ASTN2: variants seen among roughly 807,000 people sequenced by gnomAD.
ASTN2 encodes the protein astrotactin-2.
ASTN2 carries 54 observed loss-of-function variants against 139.8 expected under a neutral mutation model. That is an observed-to-expected ratio of 0.39 (90% CI 0.31 to 0.48). The LOEUF (loss-of-function observed/expected upper bound fraction) is 0.48, where lower values mean the gene tolerates loss of function less well. ASTN2 is among the 20% of genes least tolerant of loss of function. ASTN2 has a pLI of 0.95. For missense variants in ASTN2, 1,565 were observed against 1,725.1 expected, an observed-to-expected ratio of 0.91 and a Z score of 1.64; for synonymous variants, 756 against 719.5, an observed-to-expected ratio of 1.05 and a Z score of -0.81.
intron 3 of ASTN2, among the ~76,000 whole-genome samples, chr9:117,208,366 A>G (rs1832007878): frequency 6.6e-6 from 1 of 152,052 alleles, no homozygotes; most frequent in Non-Finnish European, 1.5e-5. Context: ...GAAAGTAAAC[A>G]TATGAATCAA....
At chr9:117,132,875 A>G (rs1349033000) in intron 4 of ASTN2, among the ~76,000 whole-genome samples, 2 of 152,178 alleles carry the variant, frequency 1.3e-5, no homozygotes, top group African/African-American at 4.8e-5. Flanking sequence ...ACAAATCTAC[A>G]GCATGCTTTA....
At chr9:116,565,388 C>CTCTCTCTATAT (rs1564120372) in intron 19 of ASTN2, among the ~76,000 whole-genome samples, 4 of 34,020 alleles carry the variant, frequency 1.2e-4, no homozygotes, top group African/African-American at 4.2e-4. Context: ...TCTCTCTCTC[C>CTCTCTCTATAT]ATATATATAT....
chr9:117,338,926 T>A (rs1267927503), intron 1 of ASTN2, among the ~76,000 whole-genome samples: 3 of 152,116 alleles, frequency 2.0e-5, no homozygotes, highest in Non-Finnish European at 4.4e-5. Flanking sequence ...GTCCCCCAGC[T>A]TTGATTGCTA....
At chr9:117,191,265 A>G (rs1378313545) in intron 3 of ASTN2, among the ~76,000 whole-genome samples, 1 of 151,846 alleles carries the variant, frequency 6.6e-6, no homozygotes, top group Admixed American at 6.6e-5. Context: ...ATGTCCATCA[A>G]TAAATACATT....
intron 16 of ASTN2, among the ~76,000 whole-genome samples, chr9:116,660,203 C>CA (rs1335887249): frequency 2.7e-5 from 4 of 150,004 alleles, no homozygotes; most frequent in South Asian, 4.2e-4. Context: ...CACACACACA[C>CA]ATTTGGGGAA....
At chr9:116,473,526 G>A (rs757187177) in intron 20 of ASTN2, among the ~76,000 whole-genome samples, 13 of 152,156 alleles carry the variant, frequency 8.5e-5, no homozygotes, top group South Asian at 2.1e-4. Context: ...ACAGAAAAAC[G>A]TGAGTAACTG....
rs1340230294 is a variant in ASTN2 at position 117,414,522 on chromosome 9, G to A, written c.417C>T (p.Asn139=). 1.2e-6 allele frequency: 2 copies of A among 1,609,404 alleles called. No homozygotes were observed. Among genetic ancestry groups the A allele is most frequent in the Non-Finnish European group, 1.7e-6 (2 of 1,178,442 alleles). The change falls in exon 1 of 23, where the codon AAC becomes AAT. Residue 139 remains asparagine, a synonymous_variant. Coordinates refer to ENST00000313400, the MANE Select transcript of ASTN2 (RefSeq NM_001365068.1). The surrounding 1 kb of genome is among the most constrained non-coding windows in gnomAD (Gnocchi z 4.2). ...GRIAVQDDLD[N]TELPFFTLEM... is the part of the protein sequence containing the mutation. The stretch of plus-strand genomic sequence containing the variant: ...CCAGGGTGAAGAAGGGCAGCTCGGT[G>A]TTGTCCAGGTCGTCCTGCACCGCGA...
Position 116,725,757 on chromosome 9 carries a change from C to A in ASTN2, c.2806+14G>T. ...CTGCCTGGCCACCTCCTACAGTAGG[C>A]ACTCCGGGCTTACCTTTCTGATACT... On this transcript the variant is annotated intron_variant, in intron 16 of 22. Transcript: ENST00000313400. 1 of 1,609,900 alleles carries A rather than the reference C, an allele frequency of 6.2e-7. No individual in the cohort carries two copies. Among genetic ancestry groups the A allele is most frequent in the Non-Finnish European group, 8.5e-7 (1 of 1,178,596 alleles).
chr9:117,038,488 A>G (rs1838459058), intron 6 of ASTN2, among the ~76,000 whole-genome samples: 2 of 152,128 alleles, frequency 1.3e-5, no homozygotes, highest in South Asian at 2.1e-4. Context: ...CCTTATCACA[A>G]AAAAATTATA....
At chr9:116,745,977 C>G (rs1175132534) in intron 13 of ASTN2, among the ~76,000 whole-genome samples, 1 of 151,818 alleles carries the variant, frequency 6.6e-6, no homozygotes, top group African/African-American at 2.4e-5. Flanking sequence ...TCTGGAGGTT[C>G]TAGGGGAGAG....
intron 1 of ASTN2, among the ~76,000 whole-genome samples, chr9:117,395,689 G>A (rs1054393336): frequency 9.8e-5 from 15 of 152,286 alleles, no homozygotes; most frequent in African/African-American, 3.4e-4. Context: ...TGTGGCCAGA[G>A]GGCCCTGGAG....
chr9:117,243,318 T>A (rs1174493147), intron 2 of ASTN2, among the ~76,000 whole-genome samples: 1 of 152,218 alleles, frequency 6.6e-6, no homozygotes, highest in Non-Finnish European at 1.5e-5. Context: ...ACAGACTGAA[T>A]TAGACTTATT....
intron 4 of ASTN2, among the ~76,000 whole-genome samples, chr9:117,109,783 A>G (rs1218224084): frequency 6.6e-6 from 1 of 152,078 alleles, no homozygotes; most frequent in African/African-American, 2.4e-5. Context: ...TTTTCTTTCA[A>G]ATTTGTCCAC....
chr9:116,769,402 G>A (rs1829897914), intron 13 of ASTN2, among the ~76,000 whole-genome samples: 2 of 152,084 alleles, frequency 1.3e-5, no homozygotes, highest in South Asian at 4.2e-4. Flanking sequence ...AGGAAGTGGA[G>A]ACCATTTGCA....
chr9:116,603,566 C>A (rs1162316416), intron 19 of ASTN2, among the ~76,000 whole-genome samples: 1 of 152,166 alleles, frequency 6.6e-6, no homozygotes, highest in African/African-American at 2.4e-5. Context: ...AAGCTGCAAA[C>A]CAGGAACTTA....
At chr9:116,855,376 G>A (rs1832713939) in intron 11 of ASTN2, among the ~76,000 whole-genome samples, 1 of 146,930 alleles carries the variant, frequency 6.8e-6, no homozygotes, top group Non-Finnish European at 1.5e-5. Context: ...AGTCCTGTGT[G>A]CAGGCATTGA....
intron 16 of ASTN2, among the ~76,000 whole-genome samples, chr9:116,677,221 C>T (rs1188173460): frequency 6.6e-6 from 1 of 152,068 alleles, no homozygotes; most frequent in Non-Finnish European, 1.5e-5. Flanking sequence ...TGTCTTGCCA[C>T]TCTTAATGCA....
At chr9:116,748,987 A>C (rs1354552310) in intron 13 of ASTN2, among the ~76,000 whole-genome samples, 1 of 152,152 alleles carries the variant, frequency 6.6e-6, no homozygotes, top group African/African-American at 2.4e-5. Context: ...ACCTTTTTGG[A>C]AGTAGTCTTT....
At chr9:116,972,494 A>G (rs1215213594) in intron 10 of ASTN2, among the ~76,000 whole-genome samples, 2 of 152,042 alleles carry the variant, frequency 1.3e-5, no homozygotes, top group African/African-American at 4.8e-5. Flanking sequence ...TATTTCTGTT[A>G]TACATATCCT....
Sources: gnomAD v4.1 joint callset for allele counts (sites outside exome capture counted in the v4.1 genomes callset) on GRCh38, gnomAD v4.1.1 for gene constraint, Gnocchi (gnomAD v3.1) non-coding constraint, MANE v1.5 for transcripts, NCBI Gene and HGNC (gene_info 2026-07-23, HGNC 2026-07-21) for gene names.